The following WNT3A variants were observed in gnomAD, a reference collection of about 807,000 sequenced individuals.
WNT3A encodes protein Wnt-3a.
WNT3A carries 17 observed loss-of-function variants against 37.0 expected under a neutral mutation model. That is an observed-to-expected ratio of 0.46 (90% CI 0.31 to 0.69). The LOEUF is 0.69. WNT3A is among the 30% of genes least tolerant of loss of function. WNT3A has a pLI of 0.05. For missense variants in WNT3A, 411 were observed against 510.2 expected (o/e 0.81, Z 1.87); for synonymous variants, 187 against 211.0 (o/e 0.89, Z 0.99).
intron 2 of WNT3A, among the ~76,000 whole-genome samples, chr1:228,025,923 A>ATTTTT (rs36103582): frequency 7.5e-6 from 1 of 132,882 alleles, no homozygotes; most frequent in Non-Finnish European, 1.7e-5. Context: ...AATTTTTTGT[A>ATTTTT]TTTTTTTTTT....
chr1:228,040,709 C>T (rs2031259113), intron 2 of WNT3A, among the ~76,000 whole-genome samples: 2 of 151,750 alleles, frequency 1.3e-5, no homozygotes, highest in South Asian at 4.2e-4. Context: ...CGGTGAAACC[C>T]TTTCTCTACT....
At position 228,059,481 on chromosome 1, in the gene WNT3A, C is replaced by T; in HGVS notation, c.*16C>T. ...CTGCAAGTAGGCACCGGCCGCGGCT[C>T]CCCCTGGACGGGGCGGGCCCTGCCT... On this transcript the variant is annotated 3_prime_UTR_variant, in exon 4 of 4. Coordinates refer to ENST00000284523, the MANE Select transcript of WNT3A (RefSeq NM_033131.4). 2 of 1,489,938 alleles carry T rather than the reference C, an allele frequency of 1.3e-6. No individual in the cohort carries two copies. Among genetic ancestry groups the T allele is most frequent in the South Asian group, 1.4e-5 (1 of 72,832 alleles). 92.3% of individuals were successfully genotyped at this position (1,489,938 alleles called of 1,614,324 possible). A position where few individuals can be genotyped will look rare whatever the true frequency, so the allele number is the denominator to read the frequency against.
intron 2 of WNT3A, among the ~76,000 whole-genome samples, chr1:228,033,038 G>A (rs988943441): frequency 4.6e-5 from 7 of 152,012 alleles, no homozygotes; most frequent in East Asian, 3.9e-4. Flanking sequence ...TCTTTTTGTC[G>A]TTGAGTTGTA....
At chr1:228,043,140 T>G (rs1287909648) in intron 2 of WNT3A, among the ~76,000 whole-genome samples, 1 of 152,200 alleles carries the variant, frequency 6.6e-6, no homozygotes, top group Non-Finnish European at 1.5e-5. Context: ...TTGGATGAAT[T>G]CAGTAAATAA....
chr1:228,040,285 C>G (rs1360501674), intron 2 of WNT3A, among the ~76,000 whole-genome samples: 2 of 152,218 alleles, frequency 1.3e-5, no homozygotes, highest in East Asian at 1.9e-4. Context: ...GGGGCCACTT[C>G]TCTCATTAGT....
intron 3 of WNT3A, among the ~76,000 whole-genome samples, chr1:228,051,275 G>A (rs542393368): frequency 1.3e-5 from 2 of 152,160 alleles, no homozygotes; most frequent in African/African-American, 2.4e-5. Context: ...AAGGTGACCC[G>A]ATGTCAAGGA....
Position 228,039,548 on chromosome 1 carries a change from G to A in WNT3A, c.314-11108G>A, listed in dbSNP as rs1265194557. On this transcript the variant is annotated intron_variant, in intron 2 of 3. Transcript: ENST00000284523. This position sits in a 1 kb window ranked among gnomAD's most constrained non-coding sequence, Gnocchi z 4.1. ...AGAGCCCTTACAAAGTCATGGCCAA[G>A]CTGTCCATAGCCTTCTTTCTGGTCA... 6.6e-6 allele frequency among the ~76,000 whole-genome samples: 1 copy of A among 152,198 alleles called. No homozygotes were observed. Among genetic ancestry groups the A allele is most frequent in the Non-Finnish European group, 1.5e-5 (1 of 68,026 alleles).
chr1:228,043,012 T>C (rs1307209751), intron 2 of WNT3A, among the ~76,000 whole-genome samples: 1 of 148,830 alleles, frequency 6.7e-6, no homozygotes, highest in African/African-American at 2.5e-5. Flanking sequence ...AGGTAATGGA[T>C]AGATGGATGG....
rs1339343884 is a variant in WNT3A, at chr1:228,037,114, A to C, written c.314-13542A>C. Among the ~76,000 whole-genome samples, 1 of 151,974 alleles carries C rather than the reference A, an allele frequency of 6.6e-6. No homozygotes were observed. Among genetic ancestry groups the C allele is most frequent in the Non-Finnish European group, 1.5e-5 (1 of 67,926 alleles). ...TGCTTCCCAAGTAAGTGTGCTTCCC[A>C]CAACTCCCAGTGGACACTTCCCAGA... On this transcript the variant is annotated intron_variant, in intron 2 of 3. Coordinates refer to ENST00000284523, the MANE Select transcript of WNT3A (RefSeq NM_033131.4). This position sits in a 1 kb window ranked among gnomAD's most constrained non-coding sequence, Gnocchi z 4.1.
At chr1:228,053,497 T>A (rs938102899) in intron 3 of WNT3A, among the ~76,000 whole-genome samples, 1 of 152,100 alleles carries the variant, frequency 6.6e-6, no homozygotes, top group Non-Finnish European at 1.5e-5. Flanking sequence ...AATTAAGAAC[T>A]TTCATCCATA....
At chr1:228,043,209 C>T (rs887904184) in intron 2 of WNT3A, among the ~76,000 whole-genome samples, 2 of 152,250 alleles carry the variant, frequency 1.3e-5, no homozygotes, top group African/African-American at 4.8e-5. Flanking sequence ...GTGGAAGATA[C>T]TTCCCTTACA....
intron 2 of WNT3A, among the ~76,000 whole-genome samples, chr1:228,040,133 C>A (rs2031241221): frequency 6.6e-6 from 1 of 152,202 alleles, no homozygotes; most frequent in African/African-American, 2.4e-5. Context: ...GAAACGCCAG[C>A]CATGGGAACA....
At chr1:228,046,197 C>T (rs1421431030) in intron 2 of WNT3A, among the ~76,000 whole-genome samples, 3 of 152,230 alleles carry the variant, frequency 2.0e-5, no homozygotes, top group Admixed American at 2.0e-4. Flanking sequence ...GGGGGCCTGG[C>T]ATGGCCAAAC....
At chr1:228,014,966 G>A (rs1374230405) in intron 1 of WNT3A, among the ~76,000 whole-genome samples, 1 of 152,200 alleles carries the variant, frequency 6.6e-6, no homozygotes, top group Non-Finnish European at 1.5e-5. Flanking sequence ...TGTGTGTTCT[G>A]AGTGAATATG....
chr1:228,045,595 G>A (rs1486717049), intron 2 of WNT3A, among the ~76,000 whole-genome samples: 2 of 152,240 alleles, frequency 1.3e-5, no homozygotes, highest in African/African-American at 2.4e-5. Context: ...CCAGCCACAC[G>A]TGTATTCACT....
intron 1 of WNT3A, among the ~76,000 whole-genome samples, chr1:228,021,946 G>C (rs1291220968): frequency 1.3e-5 from 2 of 152,216 alleles, no homozygotes; most frequent in Non-Finnish European, 2.9e-5. Flanking sequence ...CAGGAATGCG[G>C]GGCTGCATCA....
At chr1:228,035,961 G>A (rs1476747758) in intron 2 of WNT3A, among the ~76,000 whole-genome samples, 2 of 152,134 alleles carry the variant, frequency 1.3e-5, no homozygotes, top group Admixed American at 6.5e-5. Flanking sequence ...GGGAAGTCCC[G>A]GCTCCTCCCT....
chr1:228,040,638 G>C lies in WNT3A; in HGVS notation c.314-10018G>C, dbSNP rs146604756. 8.3e-3 allele frequency among the ~76,000 whole-genome samples: 1,257 copies of C among 152,100 alleles called. 17 individuals carry two copies. Among genetic ancestry groups the C allele is most frequent in the African/African-American group, 0.028 (1,180 of 41,500 alleles). ...GTGGCTCATGCCTGTAATCTCAGCA[G>C]TTTGGGAGGCCGAGATGGGCGGATC... is the stretch of plus-strand genomic sequence containing the variant. On this transcript the variant is annotated intron_variant, in intron 2 of 3. Transcript: ENST00000284523.
intron 1 of WNT3A, among the ~76,000 whole-genome samples, chr1:228,014,171 C>T (rs990066308): frequency 1.1e-4 from 16 of 152,298 alleles, no homozygotes; most frequent in Non-Finnish European, 2.1e-4. Context: ...GGCAGCAGGG[C>T]CTGAGATCAG....
Sources: allele counts gnomAD v4.1 joint callset (sites outside exome capture counted in the v4.1 genomes callset), GRCh38; gene constraint gnomAD v4.1.1; non-coding constraint Gnocchi (gnomAD v3.1); transcripts MANE v1.5; gene names NCBI Gene and HGNC (gene_info 2026-07-23, HGNC 2026-07-21).